Variants in KAT7 observed in about 807,000 individuals in gnomAD.
The protein encoded by KAT7 is lysine acetyltransferase 7.
Under a neutral mutation model 82.1 loss-of-function variants are expected in KAT7, and 10 were observed. The ratio of observed to expected loss-of-function variants is 0.12; its 90% CI spans 0.08 to 0.21. The LOEUF (loss-of-function observed/expected upper bound fraction) is 0.21. KAT7 is among the 10% of genes least tolerant of loss of function. The pLI, the probability that KAT7 is intolerant of heterozygous loss-of-function variation, is 1.00. For missense variants in KAT7, 378 were observed against 760.9 expected, an observed-to-expected ratio of 0.50 and a Z score of 5.92; for synonymous variants, 250 against 262.5, an observed-to-expected ratio of 0.95 and a Z score of 0.46.
chr17:49,789,755 A>C (rs1223505521), intron 1 of KAT7: 5 of 152,230 alleles, frequency 3.3e-5, no homozygotes, highest in Non-Finnish European at 7.3e-5. Flanking sequence ...ACAGCCCGAT[A>C]GGAGAAAACA....
At position 49,832,951 on chromosome 17, in the gene KAT7, C is replaced by G. The variant is rs142153662; in HGVS notation, c.*5449C>G. On this transcript the variant is annotated 3_prime_UTR_variant, in exon 15 of 15. Transcript: ENST00000259021. Reference sequence around the variant, plus strand: ...ACAAAATTATGTGTGACTGCCTCCTCCAGACTGTTTCCTGCTGATAGGGGC... The same window carrying G: ...ACAAAATTATGTGTGACTGCCTCCTGCAGACTGTTTCCTGCTGATAGGGGC... The G allele has an allele frequency of 6.6e-6, 1 of 152,324 alleles. No homozygotes were observed. Among genetic ancestry groups the G allele is most frequent in the East Asian group, 1.9e-4 (1 of 5,188 alleles). The allele number at this position is 152,324 out of a possible 1,614,324, so 9.4% of individuals were successfully genotyped here. A position where few individuals can be genotyped will look rare whatever the true frequency, so the allele number is the denominator to read the frequency against.
intron 9 of KAT7, 41 bp from the exon 10 acceptor site, chr17:49,821,296 G>A: frequency 2.7e-6 from 4 of 1,467,354 alleles, no homozygotes; most frequent in Non-Finnish European, 9.5e-7. Flanking sequence ...AGTCTTGTTG[G>A]GAGGCTTTGG....
chr17:49,828,818 A>G lies in KAT7; in HGVS notation c.*1316A>G, dbSNP rs185514093. The G allele has an allele frequency of 4.0e-3, 611 of 153,474 alleles. 2 individuals are homozygous for G. Among genetic ancestry groups the G allele is most frequent in the South Asian group, 7.0e-3 (34 of 4,828 alleles). The allele number at this position is 153,474 out of a possible 1,614,324, so 9.5% of individuals were successfully genotyped here. ...CCTCCAACATGCTGTCTTCATGTGG[A>G]GCCCTCACCACAATCCCTGACTCCG... is the stretch of plus-strand genomic sequence containing the variant. On this transcript the variant is annotated 3_prime_UTR_variant, in exon 15 of 15. Transcript: ENST00000259021.
In KAT7 at chr17:49,823,325, A is replaced by G. The variant is rs754879588; in HGVS notation, c.1480+30A>G. ...GTGAAACTGCTAAGTCATTAGTTCC[A>G]CAAGGCAGGGACCATGTGAATATTG... On this transcript the variant is annotated intron_variant, in intron 12 of 14. Coordinates refer to ENST00000259021, the MANE Select transcript of KAT7 (RefSeq NM_007067.5). 12 of 1,155,082 alleles carry G rather than the reference A, an allele frequency of 1.0e-5. No homozygotes were observed. The Middle Eastern group carries it at 5.8e-4, about 55-fold the overall frequency. The allele number at this position is 1,155,082 out of a possible 1,614,324, so 71.6% of individuals were successfully genotyped here.
intron 11 of KAT7, among the ~76,000 whole-genome samples, chr17:49,822,279 G>A (rs2074313993): frequency 6.6e-6 from 1 of 151,564 alleles, no homozygotes; most frequent in Admixed American, 6.6e-5. Flanking sequence ...CCAGGCTGGA[G>A]TACAGAGGTA....
rs772844129 is a variant in KAT7 at position 49,822,231 on chromosome 17, AT to A, written c.1386+455del. 1.1e-3 allele frequency among the ~76,000 whole-genome samples: 152 copies of A among 144,234 alleles called. No homozygotes were observed. The Middle Eastern group carries it at 0.011, about 10-fold the overall frequency. The allele number at this position is 144,234 out of a possible 152,430, so 94.6% of individuals were successfully genotyped here. A position where few individuals can be genotyped will look rare whatever the true frequency, so the allele number is the denominator to read the frequency against. On this transcript the variant is annotated intron_variant, in intron 11 of 14. Transcript: ENST00000259021. ...GCGCCTTTTAAAGACCCAAGGCCAG[AT>A]TTTTTTTTTTTTTCTGACAGAGTCT... is the stretch of plus-strand genomic sequence containing the variant.
At chr17:49,790,688 T>C (rs2073876152) in intron 1 of KAT7, among the ~76,000 whole-genome samples, 1 of 152,246 alleles carries the variant, frequency 6.6e-6, no homozygotes, top group African/African-American at 2.4e-5. Flanking sequence ...GTGTCTCATT[T>C]AGTGTGACTG....
At position 49,821,645 on chromosome 17, in the gene KAT7, T is replaced by C. The variant is rs766979973; in HGVS notation, c.1246-5T>C. ...CACACATGAACTCTGTTTCTCTGCT[T>C]CCAGATCTACTGCCAAAACCTGTGC... On this transcript the variant is annotated splice_region_variant and splice_polypyrimidine_tract_variant and intron_variant, in intron 10 of 14. Transcript: ENST00000259021. The C allele has an allele frequency of 1.6e-5, 25 of 1,612,758 alleles. No homozygotes were observed. Among genetic ancestry groups the C allele is most frequent in the Non-Finnish European group, 2.5e-6 (3 of 1,180,010 alleles).
At chr17:49,811,739 TG>T (rs2143928786) in intron 7 of KAT7, among the ~76,000 whole-genome samples, 165 bp downstream of exon 7, 2 of 152,286 alleles carry the variant, frequency 1.3e-5, no homozygotes, top group South Asian at 4.2e-4. Context: ...CCCCCAAAAC[TG>T]AATTGTTGAG....
At chr17:49,826,391 G>A (rs2074369149) in intron 13 of KAT7, 2 of 505,080 alleles carry the variant, frequency 4.0e-6, no homozygotes, top group South Asian at 2.9e-5. Context: ...ACTTCAGATC[G>A]TTTGGTTCAT....
chr17:49,833,260 C>G lies in KAT7; in HGVS notation c.*5758C>G, dbSNP rs911316239. On this transcript the variant is annotated 3_prime_UTR_variant, in exon 15 of 15. Coordinates refer to ENST00000259021, the MANE Select transcript of KAT7 (RefSeq NM_007067.5). ...AATGTTCCATGTGAGATATAAACATCTTTATCCTCGACAAGTCATGTTCAT... is the reference window on the plus strand; with the variant it reads ...AATGTTCCATGTGAGATATAAACATGTTTATCCTCGACAAGTCATGTTCAT... The G allele has an allele frequency of 1.3e-5, 2 of 152,202 alleles. No individual in the cohort carries two copies. Among genetic ancestry groups the G allele is most frequent in the African/African-American group, 4.8e-5 (2 of 41,454 alleles). 9.4% of individuals were successfully genotyped at this position (152,202 alleles called of 1,614,324 possible). A position where few individuals can be genotyped will look rare whatever the true frequency, so the allele number is the denominator to read the frequency against.
chr17:49,813,422 A>G (rs1264099855), intron 7 of KAT7, among the ~76,000 whole-genome samples: 1 of 152,052 alleles, frequency 6.6e-6, no homozygotes, highest in Non-Finnish European at 1.5e-5. Context: ...TAGAATTGGA[A>G]TGTTTTCTTA....
In KAT7 at chr17:49,796,990, G is replaced by A. The variant is rs1297547363; in HGVS notation, c.340+64G>A. On this transcript the variant is annotated intron_variant, in intron 3 of 14. Transcript: ENST00000259021. ...ATCTGGGTGAAATTCTTTTTAAGGAGGGCTTGGGGCCACTGCAGGTAGATG... is the reference window on the plus strand; with the variant it reads ...ATCTGGGTGAAATTCTTTTTAAGGAAGGCTTGGGGCCACTGCAGGTAGATG... 3.6e-6 allele frequency: 5 copies of A among 1,407,776 alleles called. No homozygotes were observed. In the African/African-American group the frequency reaches 4.3e-5, roughly 12 times the overall value. 87.2% of individuals were successfully genotyped at this position (1,407,776 alleles called of 1,614,324 possible).
At chr17:49,811,876 A>G (rs2074170413) in intron 7 of KAT7, among the ~76,000 whole-genome samples, 1 of 152,246 alleles carries the variant, frequency 6.6e-6, no homozygotes, top group African/African-American at 2.4e-5. Flanking sequence ...GCTAGAACAC[A>G]TGCCATGGCA....
chr17:49,817,832 C>T lies in KAT7; in HGVS notation c.976C>T (p.Leu326=). 2.6e-5 allele frequency: 42 copies of T among 1,612,062 alleles called. No individual in the cohort carries two copies. The highest frequency in any genetic ancestry group is 3.5e-5 in the Non-Finnish European group (41 of 1,179,676). ...TTCTTGGCAATAGGAGAAGTTAAGG[C>T]TGCAAGGCCAAATCACAGAGGGAAG... ...RASEDLEKLR[L]QGQITEGSNM... is the part of the protein sequence containing the mutation. Residue 326 remains leucine, a synonymous_variant, in exon 9 of 15, where the codon CTG becomes TTG. Coordinates refer to ENST00000259021, the MANE Select transcript of KAT7 (RefSeq NM_007067.5).
chr17:49,814,604 T>C (rs1402694725), intron 7 of KAT7, among the ~76,000 whole-genome samples: 1 of 152,120 alleles, frequency 6.6e-6, no homozygotes, highest in African/African-American at 2.4e-5. Flanking sequence ...AAGTAAAAGT[T>C]CTTGAAATTT....
At position 49,817,819 on chromosome 17, in the gene KAT7, G is replaced by A; in HGVS notation, c.964-1G>A. The A allele has an allele frequency of 6.2e-7, 1 of 1,610,962 alleles. No individual in the cohort carries two copies. The highest frequency in any genetic ancestry group is 1.1e-5 in the South Asian group (1 of 90,958). On this transcript the variant is annotated splice_acceptor_variant, in intron 8 of 14. Transcript: ENST00000259021. LOFTEE classifies it high-confidence loss of function. ...TTTGACTTTTGATTTCTTGGCAATA[G>A]GAGAAGTTAAGGCTGCAAGGCCAAA...
chr17:49,801,626 A>T (rs1392535116), intron 4 of KAT7, among the ~76,000 whole-genome samples: 1 of 152,048 alleles, frequency 6.6e-6, no homozygotes, highest in Non-Finnish European at 1.5e-5. Context: ...AGTAGCTGGG[A>T]CTACAGGCAC....
chr17:49,826,105 G>A lies in KAT7; in HGVS notation c.1586G>A (p.Arg529His), dbSNP rs1567866379. 6.8e-6 allele frequency: 11 copies of A among 1,613,852 alleles called. No individual in the cohort carries two copies. The highest frequency in any genetic ancestry group is 2.2e-5 in the East Asian group (1 of 44,874). The change falls in exon 13 of 15, where the codon CGC becomes CAC. Residue 529 changes from arginine (R) to histidine (H), a missense_variant. By Grantham distance (29) the Arg-to-His change is conservative. Around this residue, in one of 6 missense-constraint regions of KAT7, gnomAD observed 44 missense variants for 102.2 expected, o/e 0.43. Transcript: ENST00000259021. ...YRSYWKEVLL[R>H]YLHNFQGKEI... ...AGTTACTGGAAAGAAGTACTTCTCC[G>A]CTACCTGCATAATTTTCAAGGCAAA...
Sources: gnomAD v4.1 joint callset for allele counts (sites outside exome capture counted in the v4.1 genomes callset) on GRCh38, gnomAD v4.1.1 for gene constraint, gnomAD v4.1.1 regional missense constraint, MANE v1.5 for transcripts, NCBI Gene and HGNC (gene_info 2026-07-23, HGNC 2026-07-21) for gene names.